The following NFILZ variants were observed in gnomAD, a reference collection of about 807,000 sequenced individuals.
NFILZ encodes the protein NFIL3 like protein.
chr19:8,671,334 T>TAAATAAA (rs2043085903), intron 3 of NFILZ, among the ~76,000 whole-genome samples: 1 of 151,996 alleles, frequency 6.6e-6, no homozygotes, highest in Admixed American at 6.6e-5. Flanking sequence ...TACTGTGTTT[T>TAAATAAA]CTTTAAATAA....
At chr19:8,656,403 TTCTCTCTGAAA>T (rs2042999189) in intron 3 of NFILZ, among the ~76,000 whole-genome samples, 2 of 97,210 alleles carry the variant, frequency 2.1e-5, no homozygotes, top group African/African-American at 3.7e-5. Flanking sequence ...GCAGCCCACC[TTCTCTCTGAAA>T]CCCACCTCTT....
At chr19:8,674,113 T>TA (rs1206695017) in intron 3 of NFILZ, among the ~76,000 whole-genome samples, 19 of 152,174 alleles carry the variant, frequency 1.2e-4, no homozygotes, top group Admixed American at 6.6e-5. Flanking sequence ...GTCCTGGGAT[T>TA]ACAGGAATGA....
chr19:8,653,572 G>A (rs782600665), intron 3 of NFILZ, among the ~76,000 whole-genome samples: 3 of 152,122 alleles, frequency 2.0e-5, no homozygotes, highest in Admixed American at 1.3e-4. Context: ...GGAACCAACC[G>A]GTGTGGCCAT....
intron 3 of NFILZ, chr19:8,638,778 G>C (rs2042906446): frequency 6.6e-6 from 1 of 152,094 alleles, no homozygotes; most frequent in South Asian, 2.1e-4. Flanking sequence ...ATGGAGGGGA[G>C]GGGAGAGTCT....
intron 3 of NFILZ, among the ~76,000 whole-genome samples, chr19:8,673,835 C>CATTG (rs560769834): frequency 1.6e-4 from 25 of 152,040 alleles, no homozygotes; most frequent in African/African-American, 2.7e-4. Flanking sequence ...CACCACAAGG[C>CATTG]ATTGATTGAT....
At chr19:8,637,017 G>A (rs2042897861) in intron 3 of NFILZ, among the ~76,000 whole-genome samples, 1 of 152,120 alleles carries the variant, frequency 6.6e-6, no homozygotes, top group Non-Finnish European at 1.5e-5. Context: ...GTATAGGACA[G>A]GGTGCCTGGA....
chr19:8,665,083 TC>T (rs1288201417), intron 3 of NFILZ, among the ~76,000 whole-genome samples: 9 of 152,120 alleles, frequency 5.9e-5, no homozygotes. Flanking sequence ...TATTCGACTG[TC>T]TATTCAGGAG....
At chr19:8,646,413 A>AG (rs1555747073) in intron 3 of NFILZ, among the ~76,000 whole-genome samples, 1 of 152,182 alleles carries the variant, frequency 6.6e-6, no homozygotes, top group African/African-American at 2.4e-5. Flanking sequence ...AATTTGTCCA[A>AG]GGCCACACAG....
intron 3 of NFILZ, among the ~76,000 whole-genome samples, 180 bp from the exon 4 acceptor site, chr19:8,674,371 T>G (rs2043101785): frequency 6.6e-6 from 1 of 152,150 alleles, no homozygotes; most frequent in Non-Finnish European, 1.5e-5. Context: ...ACTGGGAGAT[T>G]TGTGAAGGCT....
At chr19:8,661,635 T>G (rs2043032275) in intron 3 of NFILZ, among the ~76,000 whole-genome samples, 1 of 152,228 alleles carries the variant, frequency 6.6e-6, no homozygotes, top group Non-Finnish European at 1.5e-5. Flanking sequence ...CTCATGCCTG[T>G]AATCCCAACA....
Position 8,679,357 on chromosome 19 carries a change from G to A in NFILZ, c.*1722G>A, listed in dbSNP as rs554965822. On this transcript the variant is annotated 3_prime_UTR_variant, in exon 6 of 6. Coordinates refer to ENST00000691075, the MANE Select transcript of NFILZ (RefSeq NM_001378600.1). ...ATAAAAATACTCAAACTCCAATCATGGGGAGAGCTCATGGGATGGGGGGCT... is the reference window on the plus strand; with the variant it reads ...ATAAAAATACTCAAACTCCAATCATAGGGAGAGCTCATGGGATGGGGGGCT... Among the ~76,000 whole-genome samples, 4 of 151,864 alleles carry A rather than the reference G, an allele frequency of 2.6e-5. No individual in the cohort carries two copies. In the South Asian group the frequency reaches 8.3e-4, roughly 32 times the overall value.
chr19:8,648,252 A>G (rs1445880242), intron 3 of NFILZ, among the ~76,000 whole-genome samples: 1 of 151,564 alleles, frequency 6.6e-6, no homozygotes, highest in African/African-American at 2.4e-5. Context: ...GGTGCAGCAA[A>G]CCCCCATGAC....
chr19:8,680,661 C>T lies in NFILZ; in HGVS notation c.*3026C>T, dbSNP rs1007961803. ...ACATATAGTAGGATCAATGATGATA[C>T]GTGTCATGGAGAAAAAAGGGAGGCT... On this transcript the variant is annotated 3_prime_UTR_variant, in exon 6 of 6. Coordinates refer to ENST00000691075, the MANE Select transcript of NFILZ (RefSeq NM_001378600.1). Among the ~76,000 whole-genome samples, 12 of 151,908 alleles carry T rather than the reference C, an allele frequency of 7.9e-5. No individual in the cohort carries two copies. The highest frequency in any genetic ancestry group is 3.9e-4 in the East Asian group (2 of 5,182).
intron 3 of NFILZ, among the ~76,000 whole-genome samples, chr19:8,665,239 T>C (rs1435614425): frequency 2.0e-5 from 3 of 152,112 alleles, no homozygotes; most frequent in Non-Finnish European, 4.4e-5. Context: ...ATCTAAGCTG[T>C]GTCTTAAAGG....
intron 3 of NFILZ, among the ~76,000 whole-genome samples, chr19:8,655,951 C>A (rs953828960): frequency 1.3e-5 from 2 of 152,042 alleles, no homozygotes; most frequent in African/African-American, 4.8e-5. Context: ...CTGTCTCTCT[C>A]TGTGTCTCTG....
At chr19:8,657,811 T>C (rs2043011757) in intron 3 of NFILZ, among the ~76,000 whole-genome samples, 1 of 152,130 alleles carries the variant, frequency 6.6e-6, no homozygotes, top group Admixed American at 6.5e-5. Flanking sequence ...ACCCCTCATT[T>C]TCCCCACCAC....
intron 3 of NFILZ, among the ~76,000 whole-genome samples, chr19:8,671,349 GGGCAGCAGAAC>G (rs1568424898): frequency 1.3e-5 from 2 of 151,826 alleles, no homozygotes; most frequent in African/African-American, 4.8e-5. Flanking sequence ...AAATAAACTC[GGGCAGCAGAAC>G]TATCTGCTGC....
intron 3 of NFILZ, among the ~76,000 whole-genome samples, chr19:8,647,794 C>T (rs1442982926): frequency 4.9e-4 from 26 of 52,958 alleles, no homozygotes; most frequent in African/African-American, 1.2e-3. Flanking sequence ...CGCGCGCGCG[C>T]GCACACACAC....
At chr19:8,661,315 A>G (rs1042349725) in intron 3 of NFILZ, among the ~76,000 whole-genome samples, 16 of 151,398 alleles carry the variant, frequency 1.1e-4, no homozygotes, top group Non-Finnish European at 2.2e-4. Flanking sequence ...GGCATGCACC[A>G]CCACGCCTGG....
Sources: gnomAD v4.1 joint callset for allele counts (sites outside exome capture counted in the v4.1 genomes callset) on GRCh38, gnomAD v4.1.1 for gene constraint, MANE v1.5 for transcripts, NCBI Gene and HGNC (gene_info 2026-07-23, HGNC 2026-07-21) for gene names.